Variants in TXNRD3 observed in about 807,000 individuals in gnomAD.
The protein encoded by TXNRD3 is TXNRD3 neighbor gene protein.
TXNRD3 carries 68 observed loss-of-function variants against 78.2 expected under a neutral mutation model. The ratio of observed to expected loss-of-function variants is 0.87; its 90% CI spans 0.72 to 1.06. TXNRD3 has a LOEUF of 1.06. Among genes scored for constraint, TXNRD3 ranks in the 50% least tolerant of loss-of-function variants. The pLI, the probability that TXNRD3 is intolerant of heterozygous loss-of-function variation, is 0.00. For missense variants in TXNRD3, 751 were observed against 809.5 expected, an observed-to-expected ratio of 0.93 and a Z score of 0.88; for synonymous variants, 296 against 300.1, an observed-to-expected ratio of 0.99 and a Z score of 0.14.
intron 12 of TXNRD3, among the ~76,000 whole-genome samples, chr3:126,619,233 C>T (rs568771631): frequency 6.6e-6 from 1 of 152,194 alleles, no homozygotes; most frequent in South Asian, 2.1e-4. Context: ...AGGAAAGAAT[C>T]AGTGTATCAA....
intron 6 of TXNRD3, among the ~76,000 whole-genome samples, 185 bp from the exon 7 acceptor site, chr3:126,634,236 G>A (rs761619137): frequency 8.5e-5 from 13 of 152,150 alleles, no homozygotes; most frequent in South Asian, 2.1e-4. Context: ...CAAAGAATGT[G>A]GAAAAATCAA....
At chr3:126,642,240 A>T (rs1356857035) in intron 5 of TXNRD3, 89 bp from the exon 6 acceptor site, 92 of 1,403,332 alleles carry the variant, frequency 6.6e-5, no homozygotes, top group Non-Finnish European at 8.6e-5. Context: ...TGGAAATGAC[A>T]AGCTCAATGG....
chr3:126,620,011 C>T (rs1938412003), intron 12 of TXNRD3, among the ~76,000 whole-genome samples: 1 of 152,132 alleles, frequency 6.6e-6, no homozygotes, highest in Non-Finnish European at 1.5e-5. Context: ...CACACACACT[C>T]TTGGCCGGGC....
At chr3:126,651,066 G>T (rs1225195848) in intron 1 of TXNRD3, among the ~76,000 whole-genome samples, 1 of 152,146 alleles carries the variant, frequency 6.6e-6, no homozygotes, top group African/African-American at 2.4e-5. Flanking sequence ...GCAGCCCAAT[G>T]AAGAAACAAA....
At chr3:126,653,088 T>C (rs1010447068) in intron 1 of TXNRD3, among the ~76,000 whole-genome samples, 1 of 152,266 alleles carries the variant, frequency 6.6e-6, no homozygotes, top group Non-Finnish European at 1.5e-5. Flanking sequence ...CTCTCTTAAA[T>C]GTATGTATAG....
chr3:126,644,244 G>T, intron 4 of TXNRD3, 53 bp downstream of exon 4: 1 of 1,446,308 alleles, frequency 6.9e-7, no homozygotes, highest in Non-Finnish European at 9.4e-7. Flanking sequence ...AGAAGAAATA[G>T]CTATGGCAGT....
rs141610783 is a variant in TXNRD3 at position 126,622,746 on chromosome 3, A to C, written c.1291-206T>G. ...CACAAGTCTGAAAAGTCTACAGGCT[A>C]AATTATGTCCCTTCAAAATTCATAT... is the stretch of plus-strand genomic sequence containing the variant. On this transcript the variant is annotated intron_variant, in intron 10 of 15. Coordinates refer to ENST00000524230, the MANE Select transcript of TXNRD3 (RefSeq NM_052883.3). 2.0e-3 allele frequency among the ~76,000 whole-genome samples: 310 copies of C among 152,350 alleles called. 1 individual carries two copies. Among genetic ancestry groups the C allele is most frequent in the African/African-American group, 7.1e-3 (295 of 41,594 alleles).
intron 12 of TXNRD3, among the ~76,000 whole-genome samples, chr3:126,616,211 T>C (rs778013409): frequency 6.6e-6 from 1 of 152,118 alleles, no homozygotes; most frequent in Non-Finnish European, 1.5e-5. Context: ...CTTTGGTGGG[T>C]GAACCATGAA....
chr3:126,632,952 T>C (rs1938759106), intron 7 of TXNRD3, among the ~76,000 whole-genome samples: 1 of 152,214 alleles, frequency 6.6e-6, no homozygotes, highest in South Asian at 2.1e-4. Flanking sequence ...TTGGGGCTTA[T>C]TCAACCATGT....
rs895782102 is a variant in TXNRD3 at position 126,634,078 on chromosome 3, T to G, written c.713-27A>C. 7 of 1,455,198 alleles carry G rather than the reference T, an allele frequency of 4.8e-6. No individual in the cohort carries two copies. The East Asian group carries it at 1.8e-4, about 36-fold the overall frequency. 90.1% of individuals were successfully genotyped at this position (1,455,198 alleles called of 1,614,324 possible). ...TAAGAAGAAATAATCAGGGTGAAGA[T>G]GTTAGGTGAATTTTACCTTTAATGG... On this transcript the variant is annotated intron_variant, in intron 6 of 15. Transcript: ENST00000524230.
chr3:126,651,905 A>G (rs141054246), intron 1 of TXNRD3, among the ~76,000 whole-genome samples: 1 of 152,328 alleles, frequency 6.6e-6, no homozygotes, highest in Admixed American at 6.5e-5. Context: ...TATCTTTATG[A>G]TCTCTGAATA....
In TXNRD3 at chr3:126,630,889, C is replaced by T. The variant is rs1245688776; in HGVS notation, c.1020G>A (p.Val340=). Residue 340 remains valine (V), a synonymous_variant, in exon 9 of 16, where the codon GTG becomes GTA. Coordinates refer to ENST00000524230, the MANE Select transcript of TXNRD3 (RefSeq NM_052883.3). The stretch of plus-strand genomic sequence containing the variant: ...ACTCCAGGGCAACATAAGAGGCACC[C>T]ACCACTAATGTTTTGCCAGGGCAAT... 6.5e-7 allele frequency: 1 copy of T among 1,535,918 alleles called. No individual in the cohort carries two copies.
chr3:126,644,296 C>T lies in TXNRD3; in HGVS notation c.519+1G>A. ...TACGAGTTTCATTTCTATATTCATACCTTCGCACATGAAAGGCCTCCAGAA... is the reference window on the plus strand; with the variant it reads ...TACGAGTTTCATTTCTATATTCATATCTTCGCACATGAAAGGCCTCCAGAA... On this transcript the variant is annotated splice_donor_variant, in intron 4 of 15. Coordinates refer to ENST00000524230, the MANE Select transcript of TXNRD3 (RefSeq NM_052883.3). LOFTEE classifies it high-confidence loss of function. 1 of 1,535,222 alleles carries T rather than the reference C, an allele frequency of 6.5e-7. No homozygotes were observed.
intron 10 of TXNRD3, among the ~76,000 whole-genome samples, chr3:126,628,642 T>C (rs1405352427): frequency 3.9e-5 from 6 of 152,110 alleles, no homozygotes; most frequent in African/African-American, 9.6e-5. Context: ...AGGAGAAATG[T>C]ATTAACTTTG....
intron 1 of TXNRD3, among the ~76,000 whole-genome samples, chr3:126,650,147 G>A (rs1030260848): frequency 1.5e-4 from 23 of 152,108 alleles, no homozygotes; most frequent in African/African-American, 4.8e-4. Flanking sequence ...TAAAAGTCAG[G>A]GCATTTTATT....
At chr3:126,620,582 A>G (rs1938428665) in intron 12 of TXNRD3, among the ~76,000 whole-genome samples, 1 of 152,202 alleles carries the variant, frequency 6.6e-6, no homozygotes, top group Non-Finnish European at 1.5e-5. Context: ...AAACAGCAGG[A>G]TGTGAATAAC....
At position 126,607,586 on chromosome 3, in the gene TXNRD3, G is replaced by C. The variant is rs986617505; in HGVS notation, c.*319C>G. ...CCAGAAAAGCTAACTTAGGTGAATG[G>C]TGCCACTCAAAGGTCTTTCCGAGGG... On this transcript the variant is annotated 3_prime_UTR_variant, in exon 16 of 16. Transcript: ENST00000524230. The C allele has an allele frequency of 5.8e-5, 14 of 243,292 alleles. No homozygotes were observed. The Admixed American group carries it at 7.2e-4, about 13-fold the overall frequency. The allele number at this position is 243,292 out of a possible 1,614,324, so 15.1% of individuals were successfully genotyped here. A position where few individuals can be genotyped will look rare whatever the true frequency, so the allele number is the denominator to read the frequency against.
chr3:126,639,973 C>T (rs1455183179), intron 6 of TXNRD3, among the ~76,000 whole-genome samples: 1 of 152,136 alleles, frequency 6.6e-6, no homozygotes, highest in Non-Finnish European at 1.5e-5. Flanking sequence ...TATCTACAAC[C>T]AGCTGATCCT....
At chr3:126,639,156 T>A (rs1021157028) in intron 6 of TXNRD3, among the ~76,000 whole-genome samples, 2 of 152,000 alleles carry the variant, frequency 1.3e-5, no homozygotes, top group Non-Finnish European at 2.9e-5. Context: ...AGATATTTAT[T>A]TTAAAAAGAG....
Sources: gnomAD v4.1 joint callset for allele counts (sites outside exome capture counted in the v4.1 genomes callset) on GRCh38, gnomAD v4.1.1 for gene constraint, MANE v1.5 for transcripts, NCBI Gene and HGNC (gene_info 2026-07-23, HGNC 2026-07-21) for gene names.